RASAL2: variants seen among roughly 807,000 people sequenced by gnomAD.
The protein encoded by RASAL2 is RAS protein activator like 2, also known as ras GTPase-activating protein nGAP.
Under a neutral mutation model 128.9 loss-of-function variants are expected in RASAL2, and 58 were observed. That is an observed-to-expected ratio of 0.45 (90% CI 0.36 to 0.56). The LOEUF (loss-of-function observed/expected upper bound fraction) is 0.56. Among genes scored for constraint, RASAL2 ranks in the 20% least tolerant of loss-of-function variants. The pLI is 0.00. For synonymous variants in RASAL2, 561 were observed against 580.8 expected (o/e 0.97, Z 0.49); for missense variants, 1,360 against 1,601.6 (o/e 0.85, Z 2.57).
intron 1 of RASAL2, among the ~76,000 whole-genome samples, chr1:178,111,389 A>C (rs1266611124): frequency 6.6e-6 from 1 of 152,154 alleles, no homozygotes; most frequent in Admixed American, 6.6e-5. Flanking sequence ...GATTACGTGC[A>C]TGAGCCACCA....
intron 1 of RASAL2, among the ~76,000 whole-genome samples, chr1:178,235,442 A>G (rs753214750): frequency 1.3e-5 from 2 of 152,198 alleles, no homozygotes; most frequent in Non-Finnish European, 2.9e-5. Context: ...ATAAAATGTA[A>G]TAATATGTAT....
intron 1 of RASAL2, among the ~76,000 whole-genome samples, chr1:178,133,842 A>G (rs143558474): frequency 6.5e-4 from 99 of 152,264 alleles, no homozygotes; most frequent in Non-Finnish European, 1.1e-3. Context: ...TCAGCTAATT[A>G]TGTTCTTTAT....
At chr1:178,320,651 T>G (rs750370954) in intron 3 of RASAL2, among the ~76,000 whole-genome samples, 1 of 152,150 alleles carries the variant, frequency 6.6e-6, no homozygotes, top group African/African-American at 2.4e-5. Flanking sequence ...CTGCTTTGGC[T>G]CGCACACGGT....
chr1:178,458,663 T>G, intron 14 of RASAL2, 119 bp downstream of exon 14: 2 of 1,388,446 alleles, frequency 1.4e-6, no homozygotes, highest in Non-Finnish European at 1.9e-6. Context: ...AAAGCAACCT[T>G]TAAATGGAAA....
chr1:178,152,741 ATAATT>A (rs999930843), intron 1 of RASAL2, among the ~76,000 whole-genome samples: 5 of 152,184 alleles, frequency 3.3e-5, no homozygotes, highest in Admixed American at 3.3e-4. Context: ...AGTGGAGAAA[ATAATT>A]TAATGAGTCC....
chr1:178,277,147 C>CAAA (rs61384367), intron 1 of RASAL2, among the ~76,000 whole-genome samples: 34 of 54,870 alleles, frequency 6.2e-4, no homozygotes, highest in African/African-American at 1.1e-3. Context: ...GATTCCCTCT[C>CAAA]AAAAAAAAAA....
At chr1:178,220,560 T>C (rs1315713389) in intron 1 of RASAL2, among the ~76,000 whole-genome samples, 1 of 152,212 alleles carries the variant, frequency 6.6e-6, no homozygotes, top group Non-Finnish European at 1.5e-5. Context: ...GGAAGAATGG[T>C]GCCAACAGAC....
At chr1:178,349,423 C>T (rs1345035718) in intron 3 of RASAL2, among the ~76,000 whole-genome samples, 1 of 151,746 alleles carries the variant, frequency 6.6e-6, no homozygotes, top group Non-Finnish European at 1.5e-5. Context: ...ACTTGGTCTC[C>T]AAATAAAATA....
At chr1:178,209,165 AT>A (rs1038943687) in intron 1 of RASAL2, among the ~76,000 whole-genome samples, 6 of 151,412 alleles carry the variant, frequency 4.0e-5, no homozygotes, top group African/African-American at 1.5e-4. Context: ...CCCCACACAT[AT>A]TTTGCTGTTT....
chr1:178,434,439 T>C (rs1386034271), intron 5 of RASAL2, among the ~76,000 whole-genome samples: 1 of 152,162 alleles, frequency 6.6e-6, no homozygotes, highest in East Asian at 1.9e-4. Context: ...GAGTTTCTCA[T>C]TTTGAGTGAC....
At chr1:178,117,759 G>A (rs561770939) in intron 1 of RASAL2, among the ~76,000 whole-genome samples, 21 of 152,308 alleles carry the variant, frequency 1.4e-4, no homozygotes, top group Non-Finnish European at 2.5e-4. Context: ...ATGGGGCCTT[G>A]ATCTTAGACT....
chr1:178,347,509 T>A (rs1670212138), intron 3 of RASAL2, among the ~76,000 whole-genome samples: 1 of 152,168 alleles, frequency 6.6e-6, no homozygotes, highest in Non-Finnish European at 1.5e-5. Context: ...AAGACTGGAA[T>A]GCTCATTTTA....
intron 3 of RASAL2, among the ~76,000 whole-genome samples, chr1:178,386,390 A>G (rs1286057249): frequency 6.6e-6 from 1 of 152,224 alleles, no homozygotes; most frequent in Non-Finnish European, 1.5e-5. Flanking sequence ...CCAGGACAGA[A>G]AAGGTGAAAT....
chr1:178,431,281 A>G (rs1675880244), intron 5 of RASAL2, among the ~76,000 whole-genome samples: 1 of 152,128 alleles, frequency 6.6e-6, no homozygotes, highest in African/African-American at 2.4e-5. Context: ...GTTTAAGAAC[A>G]TGGAATAGCA....
chr1:178,189,132 G>C (rs1662404905), intron 1 of RASAL2, among the ~76,000 whole-genome samples: 1 of 152,144 alleles, frequency 6.6e-6, no homozygotes, highest in African/African-American at 2.4e-5. Flanking sequence ...ATGAATGACT[G>C]ATAATATTCT....
chr1:178,192,353 CA>C (rs999085015), intron 1 of RASAL2, among the ~76,000 whole-genome samples: 2 of 151,718 alleles, frequency 1.3e-5, no homozygotes, highest in Non-Finnish European at 1.5e-5. Flanking sequence ...AACTAAAAGA[CA>C]AAAAAATGCA....
Position 178,285,265 on chromosome 1 carries a change from C to T in RASAL2, c.330+1574C>T, listed in dbSNP as rs1015490245. ...CCTCCCGAGTAGCTGGGACTACAGG[C>T]GCCCGCCACCGCGCCCGGCTAATTT... is the stretch of plus-strand genomic sequence containing the variant. On this transcript the variant is annotated intron_variant, in intron 2 of 17. Transcript: ENST00000367649. 2.6e-5 allele frequency among the ~76,000 whole-genome samples: 4 copies of T among 151,490 alleles called. No individual in the cohort carries two copies. In the East Asian group the frequency reaches 5.8e-4, roughly 22 times the overall value.
At chr1:178,185,741 G>C (rs1257219104) in intron 1 of RASAL2, among the ~76,000 whole-genome samples, 3 of 152,034 alleles carry the variant, frequency 2.0e-5, no homozygotes, top group South Asian at 4.1e-4. Context: ...AATCTCACTT[G>C]GTTATGTTAT....
intron 3 of RASAL2, among the ~76,000 whole-genome samples, chr1:178,317,778 G>C (rs1383717048): frequency 1.3e-5 from 2 of 149,712 alleles, no homozygotes; most frequent in Admixed American, 1.3e-4. Flanking sequence ...AGGGTTTTTT[G>C]TGTCTCTATT....
Sources: allele counts gnomAD v4.1 joint callset (sites outside exome capture counted in the v4.1 genomes callset), GRCh38; gene constraint gnomAD v4.1.1; transcripts MANE v1.5; gene names NCBI Gene and HGNC (gene_info 2026-07-23, HGNC 2026-07-21).